Variants in BANK1 observed in about 807,000 individuals in gnomAD.
The protein encoded by BANK1 is B cell scaffold protein with ankyrin repeats 1.
A neutral mutation model predicts 94.5 loss-of-function variants in BANK1; 95 were observed. The ratio of observed to expected loss-of-function variants is 1.00; its 90% CI spans 0.85 to 1.19. The LOEUF is 1.19. Ranked by LOEUF, BANK1 falls within the 50% of genes most tolerant of loss-of-function variation. The pLI is 0.00. For synonymous variants in BANK1, 334 were observed against 308.4 expected (o/e 1.08, Z -0.87); for missense variants, 987 against 932.2 (o/e 1.06, Z -0.77).
intron 7 of BANK1, among the ~76,000 whole-genome samples, chr4:101,930,569 T>C (rs980336285): frequency 2.6e-5 from 4 of 151,604 alleles, no homozygotes; most frequent in African/African-American, 9.6e-5. Flanking sequence ...AAAAATAACA[T>C]GTTAGTATAA....
intron 2 of BANK1, among the ~76,000 whole-genome samples, chr4:101,841,646 T>G (rs1244699034): frequency 6.6e-6 from 1 of 150,682 alleles, no homozygotes; most frequent in South Asian, 2.1e-4. Context: ...TTATTATACT[T>G]TAAGTTTTAG....
At chr4:101,984,885 A>C (rs10000979) in intron 7 of BANK1, among the ~76,000 whole-genome samples, 6,657 of 152,160 alleles carry the variant, frequency 0.044, 174 homozygotes, top group African/African-American at 0.07. Flanking sequence ...TGAAGTGACA[A>C]CTACTAGGAA....
intron 10 of BANK1, among the ~76,000 whole-genome samples, chr4:102,042,208 A>C (rs1039843905): frequency 7.9e-5 from 12 of 152,152 alleles, no homozygotes; most frequent in Admixed American, 1.3e-4. Flanking sequence ...AATAGAAAAA[A>C]ATCAAGTACC....
At chr4:101,986,799 GTGTATATATA>G (rs1725496110) in intron 7 of BANK1, among the ~76,000 whole-genome samples, 2 of 88,406 alleles carry the variant, frequency 2.3e-5, no homozygotes, top group Admixed American at 1.1e-4. Flanking sequence ...GTATATATAT[GTGTATATATA>G]TGTATATATA....
At chr4:101,879,490 G>A (rs1254436157) in intron 5 of BANK1, among the ~76,000 whole-genome samples, 1 of 151,988 alleles carries the variant, frequency 6.6e-6, no homozygotes, top group South Asian at 2.1e-4. Context: ...TGACTCAGTG[G>A]CTTCACAGCT....
At chr4:101,826,062 AGAG>A (rs1278343538) in intron 1 of BANK1, among the ~76,000 whole-genome samples, 1 of 152,074 alleles carries the variant, frequency 6.6e-6, no homozygotes, top group African/African-American at 2.4e-5. Context: ...TTTAAATTAT[AGAG>A]TCAAAAAGTC....
intron 10 of BANK1, among the ~76,000 whole-genome samples, chr4:102,038,114 CT>C (rs1258103440): frequency 3.3e-5 from 5 of 152,144 alleles, no homozygotes; most frequent in Non-Finnish European, 7.3e-5. Flanking sequence ...CAGAATTAAA[CT>C]CTAATGTTTG....
intron 2 of BANK1, among the ~76,000 whole-genome samples, chr4:101,844,381 C>T (rs1254095374): frequency 6.6e-6 from 1 of 152,150 alleles, no homozygotes; most frequent in African/African-American, 2.4e-5. Context: ...ATTGTGGTTT[C>T]AGGAACTGGT....
At chr4:101,847,439 T>A (rs1727291754) in intron 2 of BANK1, among the ~76,000 whole-genome samples, 1 of 152,100 alleles carries the variant, frequency 6.6e-6, no homozygotes, top group African/African-American at 2.4e-5. Flanking sequence ...TTTGGTTACA[T>A]GTGTAAGTTC....
At chr4:101,829,074 G>T (rs1416111657) in intron 1 of BANK1, among the ~76,000 whole-genome samples, 1 of 151,958 alleles carries the variant, frequency 6.6e-6, no homozygotes, top group African/African-American at 2.4e-5. Flanking sequence ...GTGTTAGCTA[G>T]AATGGTCTCG....
chr4:101,933,939 C>A (rs1219721340), intron 7 of BANK1, among the ~76,000 whole-genome samples: 6 of 151,442 alleles, frequency 4.0e-5, no homozygotes, highest in African/African-American at 1.5e-4. Flanking sequence ...TGATTTGAGT[C>A]TTTTCATCCA....
chr4:102,007,554 A>G (rs1298986072), intron 7 of BANK1, among the ~76,000 whole-genome samples: 1 of 152,058 alleles, frequency 6.6e-6, no homozygotes. Context: ...ATGAGTTTTA[A>G]CTTTTCTGTC....
intron 5 of BANK1, among the ~76,000 whole-genome samples, chr4:101,893,124 A>G (rs924906348): frequency 6.6e-6 from 1 of 152,010 alleles, no homozygotes. Flanking sequence ...GTCTTTGTCT[A>G]TGTGGTGACC....
chr4:101,973,062 T>G (rs1725008079), intron 7 of BANK1, among the ~76,000 whole-genome samples: 1 of 151,942 alleles, frequency 6.6e-6, no homozygotes, highest in African/African-American at 2.4e-5. Context: ...GGTGGTTTTT[T>G]TTTTAGCTCT....
rs78093771 is a variant in BANK1 at position 101,814,786 on chromosome 4, T to TTC, written c.71-15021_71-15020insCT. Among the ~76,000 whole-genome samples the TTC allele has an allele frequency of 5.2e-3, 799 of 152,320 alleles. 11 individuals carry two copies. In the East Asian group the frequency reaches 0.062, roughly 12 times the overall value. On this transcript the variant is annotated intron_variant, in intron 1 of 16. Transcript: ENST00000322953. ...TTTTCATTAACTTGAGTTAAAATTC[T>TTC]TTCCTTAAAACTGTAATACTAAGAA...
intron 7 of BANK1, among the ~76,000 whole-genome samples, chr4:102,019,188 A>T (rs1726812515): frequency 6.6e-6 from 1 of 152,194 alleles, no homozygotes; most frequent in Non-Finnish European, 1.5e-5. Context: ...TCCTCTTCCA[A>T]TAAAAATGTG....
chr4:101,963,788 G>A (rs562948025), intron 7 of BANK1, among the ~76,000 whole-genome samples: 76 of 152,116 alleles, frequency 5.0e-4, no homozygotes, highest in African/African-American at 1.6e-3. Context: ...CTCGCACCTG[G>A]TACTCAATTG....
In BANK1 at chr4:101,929,408, A is replaced by G. The variant is rs140783354; in HGVS notation, c.1206+11219A>G. Among the ~76,000 whole-genome samples, 189 of 151,758 alleles carry G rather than the reference A, an allele frequency of 1.2e-3. 1 individual carries two copies. The highest frequency in any genetic ancestry group is 3.2e-4 in the Non-Finnish European group (22 of 67,708). The stretch of plus-strand genomic sequence containing the variant: ...TATCATCACCATTTTAAAACTTCCC[A>G]TAAATAAATTTTAATATTTTAAACA... On this transcript the variant is annotated intron_variant, in intron 7 of 16. Transcript: ENST00000322953.
intron 7 of BANK1, among the ~76,000 whole-genome samples, chr4:102,016,281 T>A (rs953127499): frequency 6.6e-6 from 1 of 152,204 alleles, no homozygotes; most frequent in Admixed American, 6.5e-5. Flanking sequence ...CTCCACTAAT[T>A]ATAAAATATT....
Sources: gnomAD v4.1 joint callset for allele counts (sites outside exome capture counted in the v4.1 genomes callset) on GRCh38, gnomAD v4.1.1 for gene constraint, MANE v1.5 for transcripts, NCBI Gene and HGNC (gene_info 2026-07-23, HGNC 2026-07-21) for gene names.